Variants in MICAL2 observed in about 807,000 individuals in gnomAD.
The protein encoded by MICAL2 is microtubule associated monooxygenase, calponin and LIM domain containing 2.
MICAL2 carries 77 observed loss-of-function variants against 127.3 expected under a neutral mutation model. The observed-to-expected ratio is 0.60, with a 90% CI of 0.50 to 0.73. MICAL2 has a LOEUF of 0.73. Ranked by LOEUF, MICAL2 falls within the 30% of genes least tolerant of loss-of-function variation. MICAL2 has a pLI of 0.00. For missense variants in MICAL2, 1,351 were observed against 1,434.4 expected (o/e 0.94, Z 0.94); for synonymous variants, 570 against 551.1 (o/e 1.03, Z -0.48).
At chr11:12,177,485 A>G (rs1856963272) in intron 3 of MICAL2, among the ~76,000 whole-genome samples, 1 of 152,194 alleles carries the variant, frequency 6.6e-6, no homozygotes, top group Non-Finnish European at 1.5e-5. Flanking sequence ...TTGTTGCACA[A>G]AAGTTTTAAA....
chr11:12,267,917 T>A (rs1863627774), downstream of MICAL2, among the ~76,000 whole-genome samples: 1 of 152,186 alleles, frequency 6.6e-6, no homozygotes, highest in East Asian at 1.9e-4. Context: ...AGAATTTATG[T>A]CTCACTGCTG....
rs73422757 is a variant in MICAL2 at position 12,316,678 on chromosome 11, G to A, written c.5213-3018G>A. Among the ~76,000 whole-genome samples the A allele has an allele frequency of 5.5e-3, 840 of 151,898 alleles. 7 individuals are homozygous for A. The highest frequency in any genetic ancestry group is 0.018 in the African/African-American group (749 of 41,424). On this transcript the variant is annotated intron_variant, in intron 29 of 34. Coordinates refer to the MICAL2 transcript ENST00000646065. ...TTCTCTTGATTATCAGACTTGTCCT[G>A]CTTTTTTACATATCTAGTAATTGTT...
intron 21 of MICAL2, among the ~76,000 whole-genome samples, chr11:12,246,990 G>A (rs935422387): frequency 3.3e-5 from 5 of 152,218 alleles, no homozygotes; most frequent in Non-Finnish European, 5.9e-5. Flanking sequence ...GCTGGGGAGG[G>A]AAGGGTGGCA....
chr11:12,134,270 C>G (rs1851661208), intron 1 of MICAL2, among the ~76,000 whole-genome samples: 1 of 152,234 alleles, frequency 6.6e-6, no homozygotes, highest in South Asian at 2.1e-4. Context: ...TTACTTCCTC[C>G]TTTAAAAAGA....
chr11:12,176,420 T>C (rs1233449900), intron 3 of MICAL2, among the ~76,000 whole-genome samples: 2 of 152,308 alleles, frequency 1.3e-5, no homozygotes, highest in Non-Finnish European at 2.9e-5. Context: ...ACATATTAAG[T>C]GCCCAGCAAC....
chr11:12,329,099 A>G (rs1253885016), intron 32 of MICAL2, among the ~76,000 whole-genome samples: 4 of 152,252 alleles, frequency 2.6e-5, no homozygotes, highest in African/African-American at 7.2e-5. Flanking sequence ...AAAATAATTT[A>G]TGTAATATCC....
chr11:12,353,488 G>A (rs781343273), intron 33 of MICAL2, among the ~76,000 whole-genome samples: 7 of 151,982 alleles, frequency 4.6e-5, no homozygotes, highest in Non-Finnish European at 7.4e-5. Flanking sequence ...CTTCCTTTAG[G>A]GATCACACAA....
intron 2 of MICAL2, among the ~76,000 whole-genome samples, chr11:12,161,005 T>G (rs956931917): frequency 3.3e-5 from 5 of 152,238 alleles, no homozygotes; most frequent in Admixed American, 6.5e-5. Context: ...CTGCGCTCTG[T>G]GTGCTGCTGA....
intron 32 of MICAL2, among the ~76,000 whole-genome samples, chr11:12,332,762 T>G (rs1938664761): frequency 6.6e-6 from 1 of 152,148 alleles, no homozygotes; most frequent in African/African-American, 2.4e-5. Flanking sequence ...AAGCAGTAAA[T>G]GAGCCAATTC....
At chr11:12,262,620 A>G in intron 27 of MICAL2, 83 bp downstream of exon 27, 2 of 1,139,608 alleles carry the variant, frequency 1.8e-6, no homozygotes, top group Non-Finnish European at 2.7e-6. Context: ...CGCCAGCAGT[A>G]CTGGTTGCAC....
At chr11:12,294,243 G>A (rs1311722222), downstream of MICAL2, 9 of 1,614,028 alleles carry the variant, frequency 5.6e-6, no homozygotes, top group East Asian at 4.5e-5. Flanking sequence ...TCCCCACTGC[G>A]GCTCATAGCC....
chr11:12,272,128 G>A (rs183311022), upstream of MICAL2, among the ~76,000 whole-genome samples: 607 of 152,292 alleles, frequency 4.0e-3, 3 homozygotes, highest in Non-Finnish European at 7.0e-3. Flanking sequence ...GACACTGGGT[G>A]TTCCTTACAG....
At chr11:12,290,382 G>A (rs759913627), downstream of MICAL2, among the ~76,000 whole-genome samples, 3 of 152,150 alleles carry the variant, frequency 2.0e-5, no homozygotes, top group Non-Finnish European at 2.9e-5. Flanking sequence ...CTTCCTGTCA[G>A]GAAGTCCCTG....
At chr11:12,294,790 C>T, downstream of MICAL2, 3 of 1,567,110 alleles carry the variant, frequency 1.9e-6, no homozygotes, top group Non-Finnish European at 2.6e-6. Context: ...CCTCCCTGCG[C>T]CAGGCAGCTC....
downstream of MICAL2, chr11:12,293,548 C>T (rs975483118): frequency 6.4e-7 from 1 of 1,555,162 alleles, no homozygotes; most frequent in South Asian, 1.2e-5. Flanking sequence ...CTATTTTTGC[C>T]CATCCCATCT....
chr11:12,304,198 A>T (rs769800064), intron 29 of MICAL2, among the ~76,000 whole-genome samples: 54 of 152,202 alleles, frequency 3.5e-4, no homozygotes, highest in South Asian at 6.2e-4. Context: ...CAACACTGTT[A>T]CAGAAGCCTT....
At chr11:12,237,524 A>G (rs1859252281) in intron 16 of MICAL2, among the ~76,000 whole-genome samples, 1 of 152,142 alleles carries the variant, frequency 6.6e-6, no homozygotes, top group African/African-American at 2.4e-5. Context: ...CTCAGGTGGA[A>G]GTCTTTTCCT....
At chr11:12,234,262 C>T (rs1358995005) in intron 15 of MICAL2, among the ~76,000 whole-genome samples, 1 of 151,786 alleles carries the variant, frequency 6.6e-6, no homozygotes, top group Non-Finnish European at 1.5e-5. Context: ...AATGTTTTGC[C>T]CTTTGGAGGA....
intron 32 of MICAL2, among the ~76,000 whole-genome samples, chr11:12,348,553 G>A (rs1449850490): frequency 6.6e-6 from 1 of 152,184 alleles, no homozygotes; most frequent in African/African-American, 2.4e-5. Context: ...TCAATAACAA[G>A]GTGGTCCAGG....
Sources: gnomAD v4.1 joint callset for allele counts (sites outside exome capture counted in the v4.1 genomes callset) on GRCh38, gnomAD v4.1.1 for gene constraint, MANE v1.5 for transcripts, NCBI Gene and HGNC (gene_info 2026-07-23, HGNC 2026-07-21) for gene names.